Variants in SPAG9 observed in about 807,000 individuals in gnomAD.
The protein encoded by SPAG9 is sperm associated antigen 9, also known as C-Jun-amino-terminal kinase-interacting protein 4.
Under a neutral mutation model 166.5 loss-of-function variants are expected in SPAG9, and 35 were observed. The ratio of observed to expected loss-of-function variants is 0.21; its 90% CI spans 0.16 to 0.28. The LOEUF (loss-of-function observed/expected upper bound fraction) is 0.28. Among genes scored for constraint, SPAG9 ranks in the 10% least tolerant of loss-of-function variants. SPAG9 has a pLI of 1.00. For synonymous variants in SPAG9, 534 were observed against 565.5 expected (o/e 0.94, Z 0.79); for missense variants, 1,235 against 1,603.3 (o/e 0.77, Z 3.92).
intron 1 of SPAG9, among the ~76,000 whole-genome samples, chr17:51,100,048 C>A (rs1423082636): frequency 1.3e-5 from 2 of 152,002 alleles, no homozygotes; most frequent in African/African-American, 4.8e-5. Flanking sequence ...TGCAATGGAC[C>A]GAGATTGTGC....
intron 25 of SPAG9, among the ~76,000 whole-genome samples, chr17:50,981,612 G>A (rs919292249): frequency 4.8e-4 from 73 of 151,644 alleles, no homozygotes; most frequent in African/African-American, 1.6e-3. Flanking sequence ...GACTTCTAGG[G>A]AAAGAAATGT....
At chr17:51,106,430 T>C (rs1035001808) in intron 1 of SPAG9, among the ~76,000 whole-genome samples, 2 of 152,226 alleles carry the variant, frequency 1.3e-5, no homozygotes, top group Non-Finnish European at 2.9e-5. Context: ...TTTATTGCAA[T>C]GTAAACTCCA....
At chr17:51,026,320 GAAAAAAAAA>G (rs55851511) in intron 6 of SPAG9, among the ~76,000 whole-genome samples, 3 of 89,370 alleles carry the variant, frequency 3.4e-5, no homozygotes, top group Non-Finnish European at 4.7e-5. Context: ...GGTGAAAAGA[GAAAAAAAAA>G]AAAAAAAAAA....
intron 2 of SPAG9, among the ~76,000 whole-genome samples, chr17:51,069,781 T>C (rs2047771639): frequency 6.6e-6 from 1 of 152,102 alleles, no homozygotes. Context: ...ACTAAGATCC[T>C]GACACAAGAT....
chr17:51,108,837 A>AT lies in SPAG9; in HGVS notation c.303+11516dup, dbSNP rs935654154. ...GTGATAATTTTATTTATTTATTTTT[A>AT]TTTTTTTTTGAGACAAAAGTTTCGC... On this transcript the variant is annotated intron_variant, in intron 1 of 29. Transcript: ENST00000262013. Among the ~76,000 whole-genome samples the AT allele has an allele frequency of 2.1e-4, 31 of 150,154 alleles. No individual in the cohort carries two copies. In the East Asian group the frequency reaches 2.5e-3, roughly 12 times the overall value.
chr17:50,987,264 A>C, intron 21 of SPAG9, 27 bp from the exon 22 acceptor site: 3 of 1,594,370 alleles, frequency 1.9e-6, no homozygotes, highest in Non-Finnish European at 2.6e-6. Context: ...AAAGGAAAGA[A>C]ATCTGAGTAT....
Position 51,120,327 on chromosome 17 carries a change from CG to C in SPAG9, c.303+26del, listed in dbSNP as rs781069415. On this transcript the variant is annotated intron_variant, in intron 1 of 29. Coordinates refer to ENST00000262013, the MANE Select transcript of SPAG9 (RefSeq NM_001130528.3). This position sits in a 1 kb window ranked among gnomAD's most constrained non-coding sequence, Gnocchi z 4.7. ...CGGCCGCCCCCGGAGACGGATCCCG[CG>C]GCCCCCGCCCTGCCGCCGGCCTCAC... 7.3e-6 allele frequency: 11 copies of C among 1,511,472 alleles called. No individual in the cohort carries two copies. Among genetic ancestry groups the C allele is most frequent in the Non-Finnish European group, 8.8e-6 (10 of 1,130,596 alleles). 93.6% of individuals were successfully genotyped at this position (1,511,472 alleles called of 1,614,324 possible). A position where few individuals can be genotyped will look rare whatever the true frequency, so the allele number is the denominator to read the frequency against.
At chr17:51,054,660 T>C (rs1267085889) in intron 3 of SPAG9, among the ~76,000 whole-genome samples, 1 of 151,520 alleles carries the variant, frequency 6.6e-6, no homozygotes, top group Non-Finnish European at 1.5e-5. Flanking sequence ...ATGGCCTCAA[T>C]CTCCTCACCT....
chr17:51,068,208 T>C (rs1278257508), intron 2 of SPAG9, among the ~76,000 whole-genome samples: 1 of 152,058 alleles, frequency 6.6e-6, no homozygotes, highest in Non-Finnish European at 1.5e-5. Context: ...TCCCAACAGG[T>C]AAGCAAGGCT....
At chr17:50,978,919 G>A (rs1042619668) in intron 26 of SPAG9, among the ~76,000 whole-genome samples, 2 of 152,122 alleles carry the variant, frequency 1.3e-5, no homozygotes, top group African/African-American at 4.8e-5. Flanking sequence ...GTGGCAACAG[G>A]GAGCCCAGTT....
At chr17:51,028,616 G>C (rs551080650) in intron 6 of SPAG9, among the ~76,000 whole-genome samples, 11 of 152,154 alleles carry the variant, frequency 7.2e-5, no homozygotes, top group African/African-American at 2.6e-4. Flanking sequence ...TCTAGGTTTG[G>C]GTAAATTCAC....
intron 16 of SPAG9, 76 bp from the exon 17 acceptor site, chr17:50,995,609 T>A: frequency 1.2e-6 from 1 of 869,326 alleles, no homozygotes. Flanking sequence ...ACAGATCCAC[T>A]GAGACATGAG....
intron 19 of SPAG9, among the ~76,000 whole-genome samples, chr17:50,992,263 A>G (rs895363641): frequency 1.3e-5 from 2 of 152,132 alleles, no homozygotes; most frequent in Admixed American, 6.5e-5. Flanking sequence ...GATATCTCAT[A>G]TAAGCGGAAT....
Position 50,980,027 on chromosome 17 carries a change from T to A in SPAG9, c.3238-110A>T. On this transcript the variant is annotated intron_variant, in intron 25 of 29. Coordinates refer to ENST00000262013, the MANE Select transcript of SPAG9 (RefSeq NM_001130528.3). ...GACTATTAAAAGACAAGCCCAAATATTATATATTAAACATGATTACTCTTA... is the reference window on the plus strand; with the variant it reads ...GACTATTAAAAGACAAGCCCAAATAATATATATTAAACATGATTACTCTTA... 3.3e-6 allele frequency: 3 copies of A among 903,126 alleles called. No individual in the cohort carries two copies. The South Asian group carries it at 5.0e-5, about 15-fold the overall frequency. 55.9% of individuals were successfully genotyped at this position (903,126 alleles called of 1,614,324 possible).
chr17:51,050,028 T>C (rs73346158), intron 3 of SPAG9, among the ~76,000 whole-genome samples: 7,324 of 152,292 alleles, frequency 0.048, 404 homozygotes, highest in East Asian at 0.19. Flanking sequence ...TGTATAGTAA[T>C]CTATGAACTC....
intron 19 of SPAG9, among the ~76,000 whole-genome samples, chr17:50,991,118 G>A (rs1975509493): frequency 6.6e-6 from 1 of 151,584 alleles, no homozygotes; most frequent in African/African-American, 2.4e-5. Flanking sequence ...TGTTGGTCAG[G>A]CTGGTCTTGA....
chr17:51,021,636 T>G (rs2045940014), intron 6 of SPAG9, among the ~76,000 whole-genome samples: 2 of 152,180 alleles, frequency 1.3e-5, no homozygotes, highest in Non-Finnish European at 2.9e-5. Flanking sequence ...AACTATACAT[T>G]AATGTCAATA....
At position 50,989,775 on chromosome 17, in the gene SPAG9, T is replaced by C. The variant is rs1006616398; in HGVS notation, c.2715A>G (p.Thr905=). The C allele has an allele frequency of 1.2e-6, 2 of 1,614,088 alleles. No homozygotes were observed. Among genetic ancestry groups the C allele is most frequent in the Non-Finnish European group, 1.7e-6 (2 of 1,179,990 alleles). The change falls in exon 21 of 30, where the codon ACA becomes ACG. Residue 905 remains threonine (T), a synonymous_variant. Transcript: ENST00000262013. ...TEGNAGSAED[T]VDISQTGVYT... is the part of the protein sequence containing the mutation. ...AGACGCCAGTTTGGGAGATGTCCAC[T>C]GTGTCTTCAGCTGACCCCGCATTCC...
chr17:50,963,381 C>T lies in SPAG9; in HGVS notation c.*2891G>A, dbSNP rs1359478014. 6.6e-6 allele frequency: 1 copy of T among 152,082 alleles called. No homozygotes were observed. Among genetic ancestry groups the T allele is most frequent in the East Asian group, 1.9e-4 (1 of 5,198 alleles). The allele number at this position is 152,082 out of a possible 1,614,324, so 9.4% of individuals were successfully genotyped here. A position where few individuals can be genotyped will look rare whatever the true frequency, so the allele number is the denominator to read the frequency against. On this transcript the variant is annotated 3_prime_UTR_variant, in exon 30 of 30. Coordinates refer to ENST00000262013, the MANE Select transcript of SPAG9 (RefSeq NM_001130528.3). ...AAAGTAAACATTACAAGAATATGAA[C>T]TTGTTATTGGGGGAAAGGGGAAGTG...
Sources: gnomAD v4.1 joint callset for allele counts (sites outside exome capture counted in the v4.1 genomes callset) on GRCh38, gnomAD v4.1.1 for gene constraint, Gnocchi (gnomAD v3.1) non-coding constraint, MANE v1.5 for transcripts, NCBI Gene and HGNC (gene_info 2026-07-23, HGNC 2026-07-21) for gene names.